ABR: variants seen among roughly 807,000 people sequenced by gnomAD.
The protein encoded by ABR is ABR activator of RhoGEF and GTPase, also known as active breakpoint cluster region-related protein.
Under a neutral mutation model 107.2 loss-of-function variants are expected in ABR, and 35 were observed. The observed-to-expected ratio is 0.33, with a 90% CI of 0.25 to 0.43. The LOEUF (loss-of-function observed/expected upper bound fraction) is 0.43, where lower values mean the gene tolerates loss of function less well. Among genes scored for constraint, ABR ranks in the 20% least tolerant of loss-of-function variants. The probability of loss-of-function intolerance (pLI) is 1.00; values close to 1 mark genes in which losing one functional copy is unlikely to be tolerated. For missense variants in ABR, 815 were observed against 1,115.2 expected (o/e 0.73, Z 3.83); for synonymous variants, 498 against 462.0 (o/e 1.08, Z -1.00).
chr17:1,077,109 G>A (rs1016762194), intron 6 of ABR, among the ~76,000 whole-genome samples: 2 of 152,194 alleles, frequency 1.3e-5, no homozygotes, highest in South Asian at 4.1e-4. Context: ...AGAGACTTGT[G>A]GCTACAAGTG....
At chr17:1,225,998 A>G (rs975881939) in intron 1 of ABR, among the ~76,000 whole-genome samples, 1 of 152,228 alleles carries the variant, frequency 6.6e-6, no homozygotes, top group Admixed American at 6.5e-5. Flanking sequence ...ACGCGTCCGC[A>G]TAGAACCGAA....
At chr17:1,128,703 A>C (rs2039701251) in intron 1 of ABR, among the ~76,000 whole-genome samples, 1 of 152,148 alleles carries the variant, frequency 6.6e-6, no homozygotes, top group Non-Finnish European at 1.5e-5. Context: ...GATAGAAGCC[A>C]CCACTGAAGA....
Position 1,051,975 on chromosome 17 carries a change from G to A in ABR, c.1562-1341C>T, listed in dbSNP as rs2032591265. ...TGTAGTCCCAGCTACTCGGGAGGCT[G>A]AGGCAGGACAATCGCTTGAACCTGG... On this transcript the variant is annotated intron_variant, in intron 14 of 22. Coordinates refer to ENST00000302538, the MANE Select transcript of ABR (RefSeq NM_021962.5). This position sits in a 1 kb window ranked among gnomAD's most constrained non-coding sequence, Gnocchi z 4.3. Among the ~76,000 whole-genome samples the A allele has an allele frequency of 6.6e-6, 1 of 152,084 alleles. No individual in the cohort carries two copies. The highest frequency in any genetic ancestry group is 1.5e-5 in the Non-Finnish European group (1 of 68,008).
At chr17:1,185,522 G>A (rs1351598495) in intron 1 of ABR, among the ~76,000 whole-genome samples, 3 of 151,968 alleles carry the variant, frequency 2.0e-5, no homozygotes, top group African/African-American at 4.8e-5. Context: ...GCGGGCACCT[G>A]TAATCCCAGC....
At chr17:1,089,055 C>A (rs1195436195) in intron 4 of ABR, among the ~76,000 whole-genome samples, 2 of 151,742 alleles carry the variant, frequency 1.3e-5, no homozygotes, top group Non-Finnish European at 2.9e-5. Context: ...TCCACCACAC[C>A]CTGCTAATTT....
rs73978320 is a variant in ABR, at chr17:1,023,355, C to T, written c.1792-10191G>A. Among the ~76,000 whole-genome samples the T allele has an allele frequency of 8.6e-3, 1,309 of 152,360 alleles. 15 individuals are homozygous for T. The highest frequency in any genetic ancestry group is 0.029 in the African/African-American group (1,226 of 41,586). The stretch of plus-strand genomic sequence containing the variant: ...CATCTCCCCCAGCGGCCTAGGGCTC[C>T]GTCTTCCTCAGGGCCAGCCCACCCC... On this transcript the variant is annotated intron_variant, in intron 16 of 22. Transcript: ENST00000302538.
rs1372465698 is a variant in ABR, at chr17:1,083,775, T to C, written c.532-148A>G. ...TTGGGAACTTGGGGAAACGCAGGGA[T>C]GAACATATTACAGTGTCCCTTTGAA... On this transcript the variant is annotated intron_variant, in intron 4 of 22. Coordinates refer to ENST00000302538, the MANE Select transcript of ABR (RefSeq NM_021962.5). The C allele has an allele frequency of 8.6e-5, 58 of 678,030 alleles. 1 individual carries two copies. The highest frequency in any genetic ancestry group is 8.0e-6 in the Non-Finnish European group (3 of 375,954). 42.0% of individuals were successfully genotyped at this position (678,030 alleles called of 1,614,324 possible).
chr17:1,184,501 G>A (rs542244824), upstream of ABR, among the ~76,000 whole-genome samples: 1 of 152,246 alleles, frequency 6.6e-6, no homozygotes, highest in South Asian at 2.1e-4. Flanking sequence ...TCACTGGGCA[G>A]ACCCAGTGCT....
At chr17:1,204,895 CTTTTTCTT>C (rs1402229131) in intron 1 of ABR, among the ~76,000 whole-genome samples, 3 of 70,316 alleles carry the variant, frequency 4.3e-5, no homozygotes, top group Non-Finnish European at 7.9e-5. Context: ...TTTTCTTTTT[CTTTTTCTT>C]TTTTTTTTTT....
chr17:1,013,408 C>A (rs333651), intron 16 of ABR, among the ~76,000 whole-genome samples: 1 of 146,532 alleles, frequency 6.8e-6, no homozygotes, highest in African/African-American at 2.6e-5. Context: ...CAGGGCACAC[C>A]CTGTTACCCG....
intron 1 of ABR, among the ~76,000 whole-genome samples, chr17:1,206,714 A>G (rs1217800566): frequency 6.6e-6 from 1 of 152,078 alleles, no homozygotes; most frequent in Non-Finnish European, 1.5e-5. Context: ...TCTGCAAACC[A>G]GCTCACCAGA....
At chr17:1,197,269 GT>G (rs2042588572) in intron 1 of ABR, among the ~76,000 whole-genome samples, 1 of 151,730 alleles carries the variant, frequency 6.6e-6, no homozygotes, top group Non-Finnish European at 1.5e-5. Flanking sequence ...CGCAGGGAGG[GT>G]TTGGCTGGAG....
intron 1 of ABR, among the ~76,000 whole-genome samples, chr17:1,174,492 T>C (rs2041854959): frequency 1.3e-5 from 2 of 152,180 alleles, no homozygotes; most frequent in South Asian, 4.1e-4. Flanking sequence ...GGTAGGCTCA[T>C]GCTCACCTGG....
rs895012994 is a variant in ABR, at chr17:1,032,610, G to A, written c.1791+17440C>T. Among the ~76,000 whole-genome samples, 10 of 84,864 alleles carry A rather than the reference G, an allele frequency of 1.2e-4. No homozygotes were observed. The South Asian group carries it at 3.2e-3, about 28-fold the overall frequency. 55.7% of individuals were successfully genotyped at this position (84,864 alleles called of 152,430 possible). On this transcript the variant is annotated intron_variant, in intron 16 of 22. Coordinates refer to ENST00000302538, the MANE Select transcript of ABR (RefSeq NM_021962.5). ...ACGCCACGGGCAACCACCCGCGTCC[G>A]TGCTGGGCGCAGAGGACGCCACGGG...
chr17:1,186,593 G>A (rs977249665), intron 1 of ABR, among the ~76,000 whole-genome samples: 20 of 152,182 alleles, frequency 1.3e-4, no homozygotes, highest in Non-Finnish European at 2.1e-4. Flanking sequence ...CCACAGCAAG[G>A]GCAGCATCCT....
intron 1 of ABR, among the ~76,000 whole-genome samples, chr17:1,208,887 C>CA (rs544264330): frequency 0.096 from 6,155 of 64,270 alleles, 198 homozygotes; most frequent in Non-Finnish European, 0.15. Context: ...GACTCCGTCT[C>CA]AAAAAAAAAA....
intron 1 of ABR, among the ~76,000 whole-genome samples, chr17:1,142,706 C>T (rs2040337302): frequency 6.6e-6 from 1 of 152,084 alleles, no homozygotes; most frequent in Non-Finnish European, 1.5e-5. Context: ...GTCTTGGGGA[C>T]TGTGGGATTC....
chr17:1,097,879 GC>G lies in ABR; in HGVS notation c.345+2757del, dbSNP rs373854133. Among the ~76,000 whole-genome samples the G allele has an allele frequency of 5.6e-3, 846 of 152,222 alleles. 9 individuals are homozygous for G. The highest frequency in any genetic ancestry group is 0.019 in the African/African-American group (808 of 41,524). On this transcript the variant is annotated intron_variant, in intron 3 of 22. Coordinates refer to ENST00000302538, the MANE Select transcript of ABR (RefSeq NM_021962.5). ...CGAATGTCTGACGGGTTGTCTCTTTGCCTGTCCTCCTTTCTTCCACTAACAG... is the reference window on the plus strand; with the variant it reads ...CGAATGTCTGACGGGTTGTCTCTTTGCTGTCCTCCTTTCTTCCACTAACAG...
chr17:1,012,831 A>G (rs1429776214), intron 17 of ABR, 34 bp from the exon 18 acceptor site: 3 of 1,520,252 alleles, frequency 2.0e-6, no homozygotes, highest in Admixed American at 1.9e-5. Context: ...AAGATTCCCC[A>G]GGGTGTGAGT....
Sources: allele counts gnomAD v4.1 joint callset (sites outside exome capture counted in the v4.1 genomes callset), GRCh38; gene constraint gnomAD v4.1.1; non-coding constraint Gnocchi (gnomAD v3.1); transcripts MANE v1.5; gene names NCBI Gene and HGNC (gene_info 2026-07-23, HGNC 2026-07-21).